The following ANKRD13D variants were observed in gnomAD, a reference collection of about 807,000 sequenced individuals.
ANKRD13D encodes the protein ankyrin repeat domain 13D.
Under a neutral mutation model 68.8 loss-of-function variants are expected in ANKRD13D, and 24 were observed. That is an observed-to-expected ratio of 0.35 (90% CI 0.25 to 0.49). ANKRD13D has a LOEUF of 0.49. Ranked by LOEUF, ANKRD13D falls within the 20% of genes least tolerant of loss-of-function variation. ANKRD13D has a pLI of 0.99. For synonymous variants in ANKRD13D, 331 were observed against 336.1 expected (o/e 0.98, Z 0.16); for missense variants, 735 against 832.1 (o/e 0.88, Z 1.44).
intron 6 of ANKRD13D, among the ~76,000 whole-genome samples, chr11:67,296,279 T>G (rs1860752708): frequency 2.0e-5 from 3 of 152,034 alleles, no homozygotes; most frequent in Admixed American, 6.6e-5. Context: ...TGCAAATAAT[T>G]GGTATTAATT....
chr11:67,291,289 C>A (rs1006502925), intron 3 of ANKRD13D, 187 bp from the exon 4 acceptor site: 4 of 614,784 alleles, frequency 6.5e-6, no homozygotes, highest in Non-Finnish European at 1.1e-5. Flanking sequence ...CCCAGGGAGG[C>A]AGAGGTTGCA....
chr11:67,291,924 C>T, intron 5 of ANKRD13D, 67 bp from the exon 6 acceptor site: 3 of 1,526,986 alleles, frequency 2.0e-6, no homozygotes, highest in South Asian at 1.3e-5. Flanking sequence ...TACATGATCG[C>T]CCTCTCTGCA....
intron 6 of ANKRD13D, among the ~76,000 whole-genome samples, chr11:67,295,829 T>G (rs1169473407): frequency 6.6e-6 from 1 of 152,222 alleles, no homozygotes. Context: ...GGGAAAAACA[T>G]TCAGTCTTAC....
chr11:67,301,534 C>G lies in ANKRD13D; in HGVS notation c.1395C>G (p.Pro465=). The change falls in exon 13 of 15, where the codon CCC becomes CCG. Residue 465 remains proline (P), a synonymous_variant. Transcript: ENST00000511455. This position sits in a 1 kb window ranked among gnomAD's most constrained non-coding sequence, Gnocchi z 4.5. ...CEVDPTVFEV[P]NGYSVLGMER... ...TGGACCCCACCGTGTTTGAAGTGCC[C>G]AACGGGTACAGCGTGCTGGGCATGG... The G allele has an allele frequency of 2.5e-6, 4 of 1,613,118 alleles. No homozygotes were observed. The highest frequency in any genetic ancestry group is 1.1e-5 in the South Asian group (1 of 91,088).
rs1860928298 is a variant in ANKRD13D at position 67,300,260 on chromosome 11, T to A, written c.1073+137T>A. 7 of 1,276,112 alleles carry A rather than the reference T, an allele frequency of 5.5e-6. No individual in the cohort carries two copies. The highest frequency in any genetic ancestry group is 7.5e-6 in the Non-Finnish European group (7 of 928,900). The allele number at this position is 1,276,112 out of a possible 1,614,324, so 79.0% of individuals were successfully genotyped here. A position where few individuals can be genotyped will look rare whatever the true frequency, so the allele number is the denominator to read the frequency against. ...CTCCACTCCTGGAGGGCAGGAGTCA[T>A]GTCTGCCTTATCCATGGTCCTCAGC... On this transcript the variant is annotated intron_variant, in intron 10 of 14. Coordinates refer to ENST00000511455, the MANE Select transcript of ANKRD13D (RefSeq NM_207354.3). The surrounding 1 kb of genome is among the most constrained non-coding windows in gnomAD (Gnocchi z 4.3).
At chr11:67,291,052 G>C (rs1860519377) in intron 3 of ANKRD13D, 1 of 224,244 alleles carries the variant, frequency 4.5e-6, no homozygotes, top group South Asian at 5.6e-5. Flanking sequence ...CTGAGCCATA[G>C]CAGTGCGTCA....
In ANKRD13D at chr11:67,289,508, G is replaced by T. The variant is rs1409613768; in HGVS notation, c.48G>T (p.Ala16=). ...PTFPLHRLVW[A]NRHRELEAAL... ...TCCCGCTGCACCGGCTCGTCTGGGC[G>T]AACCGGCATCGCGAACTGGAGGCCG... is the stretch of plus-strand genomic sequence containing the variant. The change falls in exon 1 of 15, where the codon GCG becomes GCT. Residue 16 remains alanine (A), a synonymous_variant. Coordinates refer to ENST00000511455, the MANE Select transcript of ANKRD13D (RefSeq NM_207354.3). 1 of 1,521,214 alleles carries T rather than the reference G, an allele frequency of 6.6e-7. No homozygotes were observed. The highest frequency in any genetic ancestry group is 8.8e-7 in the Non-Finnish European group (1 of 1,141,572). 94.2% of individuals were successfully genotyped at this position (1,521,214 alleles called of 1,614,324 possible).
rs1320753101 is a variant in ANKRD13D, at chr11:67,300,931, G to T, written c.1074-59G>T. The T allele has an allele frequency of 1.9e-6, 3 of 1,597,250 alleles. No homozygotes were observed. The highest frequency in any genetic ancestry group is 1.7e-6 in the Non-Finnish European group (2 of 1,171,130). ...GCAGCTGCCCACGAACCAGAGGGCA[G>T]TCCTCAATGGAAGGGCCACCAGCCG... On this transcript the variant is annotated intron_variant, in intron 10 of 14. Coordinates refer to ENST00000511455, the MANE Select transcript of ANKRD13D (RefSeq NM_207354.3). The surrounding 1 kb of genome is among the most constrained non-coding windows in gnomAD (Gnocchi z 4.3).
Position 67,299,446 on chromosome 11 carries a change from G to A in ANKRD13D, c.799-84G>A. 8.6e-7 allele frequency: 1 copy of A among 1,166,634 alleles called. No individual in the cohort carries two copies. The allele number at this position is 1,166,634 out of a possible 1,614,324, so 72.3% of individuals were successfully genotyped here. ...CAAGATCTCATCTGTCTCTGGGACA[G>A]GAGGACCTGGGTTCTGCACTGGTGA... On this transcript the variant is annotated intron_variant, in intron 7 of 14. Transcript: ENST00000511455. This position sits in a 1 kb window ranked among gnomAD's most constrained non-coding sequence, Gnocchi z 6.2.
At position 67,301,586 on chromosome 11, in the gene ANKRD13D, G is replaced by C. The variant is rs761427954; in HGVS notation, c.1447G>C (p.Asp483His). 5 of 1,612,822 alleles carry C rather than the reference G, an allele frequency of 3.1e-6. No homozygotes were observed. The highest frequency in any genetic ancestry group is 1.7e-5 in the Admixed American group (1 of 60,006). ...MERNEPLRDE[D>H]DDLLQFAIQQ... ...GCGCAACGAGCCCCTCCGGGACGAG[G>C]ACGATGACCTCCTGCAGTTCGCCAT... The change falls in exon 13 of 15, where the codon GAC becomes CAC. Residue 483 changes from aspartate to histidine, a missense_variant. Coordinates refer to ENST00000511455, the MANE Select transcript of ANKRD13D (RefSeq NM_207354.3). This position sits in a 1 kb window ranked among gnomAD's most constrained non-coding sequence, Gnocchi z 4.5.
At position 67,299,747 on chromosome 11, in the gene ANKRD13D, C is replaced by T; in HGVS notation, c.881-80C>T. 2 of 1,535,288 alleles carry T rather than the reference C, an allele frequency of 1.3e-6. No homozygotes were observed. Among genetic ancestry groups the T allele is most frequent in the Non-Finnish European group, 8.8e-7 (1 of 1,135,210 alleles). ...CCCGTCTGACCCCTCTTCCCCCAGA[C>T]AGTAGGCTCCAGGGGTGGAGGTGGG... is the stretch of plus-strand genomic sequence containing the variant. On this transcript the variant is annotated intron_variant, in intron 8 of 14. Transcript: ENST00000511455. The surrounding 1 kb of genome is among the most constrained non-coding windows in gnomAD (Gnocchi z 6.2).
chr11:67,290,688 A>G (rs1185592546), intron 3 of ANKRD13D: 1 of 508,030 alleles, frequency 2.0e-6, no homozygotes, highest in Non-Finnish European at 3.4e-6. Context: ...CTCCTGAAGA[A>G]TGCAGATTAC....
intron 3 of ANKRD13D, 149 bp downstream of exon 3, chr11:67,290,595 A>C (rs2136518480): frequency 8.1e-7 from 1 of 1,230,524 alleles, no homozygotes; most frequent in East Asian, 2.6e-5. Flanking sequence ...ACCCCAGCCC[A>C]GGGTCACGTA....
chr11:67,293,021 A>C (rs1411453801), intron 6 of ANKRD13D, among the ~76,000 whole-genome samples: 1 of 152,210 alleles, frequency 6.6e-6, no homozygotes, highest in Non-Finnish European at 1.5e-5. Flanking sequence ...GTATGAATAT[A>C]CCATATCTTG....
chr11:67,297,558 C>G (rs1860804363), intron 6 of ANKRD13D, among the ~76,000 whole-genome samples: 1 of 138,332 alleles, frequency 7.2e-6, no homozygotes, highest in African/African-American at 2.7e-5. Flanking sequence ...GGGAGTCTTG[C>G]TCTGTCGCCC....
At position 67,301,627 on chromosome 11, in the gene ANKRD13D, T is replaced by A. The variant is rs567156787; in HGVS notation, c.1488T>A (p.Leu496=). The A allele has an allele frequency of 1.7e-4, 280 of 1,612,650 alleles. 1 individual carries two copies. Among genetic ancestry groups the A allele is most frequent in the Admixed American group, 1.6e-3 (94 of 60,010 alleles). Residue 496 remains leucine (L), a synonymous_variant, in exon 13 of 15, where the codon CTT becomes CTA. Transcript: ENST00000511455. This position sits in a 1 kb window ranked among gnomAD's most constrained non-coding sequence, Gnocchi z 4.5. ...AGTTCGCCATCCAGCAGAGCCTGCTTGAAGCGGGCACTGAGGCGGAGCAGG... is the reference window on the plus strand; with the variant it reads ...AGTTCGCCATCCAGCAGAGCCTGCTAGAAGCGGGCACTGAGGCGGAGCAGG... The part of the protein sequence containing the change: ...LLQFAIQQSL[L]EAGTEAEQVT...
intron 6 of ANKRD13D, among the ~76,000 whole-genome samples, chr11:67,293,767 C>T (rs539555529): frequency 2.0e-5 from 3 of 152,298 alleles, no homozygotes; most frequent in East Asian, 3.9e-4. Flanking sequence ...ACCTGCCTAC[C>T]TGGGCCTCCC....
Position 67,290,159 on chromosome 11 carries a change from G to A in ANKRD13D, c.172G>A (p.Val58Met), listed in dbSNP as rs1190723609. Residue 58 changes from valine to methionine, a missense_variant, in exon 2 of 15, where the codon GTG becomes ATG. By Grantham distance (21) the Val-to-Met change is conservative. Coordinates refer to ENST00000511455, the MANE Select transcript of ANKRD13D (RefSeq NM_207354.3). ...VSLGNLESVR[V>M]LLRHNANVGK... ...TCTGGGAAACCTGGAGTCTGTGAGA[G>A]TGCTCCTTCGACACAATGCCAACGT... 4.6e-6 allele frequency: 7 copies of A among 1,537,236 alleles called. No homozygotes were observed. In the South Asian group the frequency reaches 5.9e-5, roughly 13 times the overall value.
chr11:67,296,802 T>G (rs1860771749), intron 6 of ANKRD13D, among the ~76,000 whole-genome samples: 1 of 152,080 alleles, frequency 6.6e-6, no homozygotes, highest in African/African-American at 2.4e-5. Context: ...TTTCTTTTTT[T>G]GTAGAGATGT....
Sources: gnomAD v4.1 joint callset for allele counts (sites outside exome capture counted in the v4.1 genomes callset) on GRCh38, gnomAD v4.1.1 for gene constraint, Gnocchi (gnomAD v3.1) non-coding constraint, MANE v1.5 for transcripts, NCBI Gene and HGNC (gene_info 2026-07-23, HGNC 2026-07-21) for gene names.